Variants in HCN1 observed in about 807,000 individuals in gnomAD.
HCN1 encodes the protein hyperpolarization activated cyclic nucleotide gated potassium channel 1.
Under a neutral mutation model 78.9 loss-of-function variants are expected in HCN1, and 13 were observed. The observed-to-expected ratio is 0.16, with a 90% CI of 0.11 to 0.26. The LOEUF is 0.26. Among genes scored for constraint, HCN1 ranks in the 10% least tolerant of loss-of-function variants. The pLI is 1.00. For synonymous variants in HCN1, 552 were observed against 455.5 expected (o/e 1.21, Z -2.70); for missense variants, 810 against 1,154.3 (o/e 0.70, Z 4.32).
At chr5:45,543,907 G>A (rs1452595352) in intron 2 of HCN1, among the ~76,000 whole-genome samples, 4 of 151,952 alleles carry the variant, frequency 2.6e-5, no homozygotes, top group African/African-American at 9.7e-5. Flanking sequence ...TCACGAATAT[G>A]ATCAATATAT....
chr5:45,613,295 T>G (rs989142235), intron 2 of HCN1, among the ~76,000 whole-genome samples: 3 of 151,982 alleles, frequency 2.0e-5, no homozygotes, highest in Admixed American at 2.0e-4. Context: ...GAGAATGATG[T>G]TTTCCAATTT....
At chr5:45,427,667 A>C (rs1204386083) in intron 3 of HCN1, among the ~76,000 whole-genome samples, 1 of 152,162 alleles carries the variant, frequency 6.6e-6, no homozygotes. Context: ...AAAATGTAAT[A>C]TTCCTAAGAT....
chr5:45,483,767 C>A (rs1025089433), intron 2 of HCN1, among the ~76,000 whole-genome samples: 1 of 152,068 alleles, frequency 6.6e-6, no homozygotes, highest in Non-Finnish European at 1.5e-5. Flanking sequence ...ATATTTAAAT[C>A]TTTAATCCAT....
At chr5:45,498,630 A>G (rs1053851625) in intron 2 of HCN1, among the ~76,000 whole-genome samples, 9 of 152,066 alleles carry the variant, frequency 5.9e-5, no homozygotes, top group Non-Finnish European at 1.2e-4. Flanking sequence ...GCTGGTGAGG[A>G]GCTGCGTTCC....
chr5:45,641,286 T>A (rs1318751694), intron 2 of HCN1, among the ~76,000 whole-genome samples: 1 of 152,230 alleles, frequency 6.6e-6, no homozygotes, highest in Non-Finnish European at 1.5e-5. Flanking sequence ...GAAACTGTAA[T>A]CTGCATTAGC....
At chr5:45,498,902 A>G (rs1742120852) in intron 2 of HCN1, among the ~76,000 whole-genome samples, 1 of 152,130 alleles carries the variant, frequency 6.6e-6, no homozygotes. Context: ...CTTGGGGGTC[A>G]GGGGTCAGGG....
intron 3 of HCN1, among the ~76,000 whole-genome samples, chr5:45,402,168 A>T (rs1369412807): frequency 6.6e-6 from 1 of 152,158 alleles, no homozygotes; most frequent in African/African-American, 2.4e-5. Context: ...CAGAATAGGG[A>T]ACATACCAGG....
chr5:45,637,794 AAGAGTTT>A (rs1745382173), intron 2 of HCN1, among the ~76,000 whole-genome samples: 1 of 152,150 alleles, frequency 6.6e-6, no homozygotes, highest in Non-Finnish European at 1.5e-5. Flanking sequence ...AATATGAGCA[AAGAGTTT>A]CTCAGGTTGA....
In HCN1 at chr5:45,352,474, T is replaced by G. The variant is rs538729007; in HGVS notation, c.1377+626A>C. Among the ~76,000 whole-genome samples, 6 of 152,076 alleles carry G rather than the reference T, an allele frequency of 3.9e-5. No homozygotes were observed. The South Asian group carries it at 8.3e-4, about 21-fold the overall frequency. On this transcript the variant is annotated intron_variant, in intron 5 of 7. Transcript: ENST00000303230. ...CACCAGCATCGCACATGTATACATA[T>G]GTAAGTAACGTGCGCATTGTGCACA...
intron 1 of HCN1, among the ~76,000 whole-genome samples, chr5:45,687,654 T>C (rs764248309): frequency 7.9e-5 from 12 of 152,170 alleles, no homozygotes; most frequent in Admixed American, 2.6e-4. Flanking sequence ...GGACCTTCTT[T>C]GGCTGTTTGA....
At chr5:45,371,115 A>G (rs1747346205) in intron 4 of HCN1, among the ~76,000 whole-genome samples, 1 of 152,080 alleles carries the variant, frequency 6.6e-6, no homozygotes, top group Non-Finnish European at 1.5e-5. Flanking sequence ...AATCTCTGGG[A>G]CTCAGCTAAG....
At chr5:45,669,676 C>T (rs755406408) in intron 1 of HCN1, among the ~76,000 whole-genome samples, 4 of 151,724 alleles carry the variant, frequency 2.6e-5, no homozygotes, top group Non-Finnish European at 4.4e-5. Flanking sequence ...GAAAATTTCT[C>T]TGAGAGAAAT....
At chr5:45,548,015 C>A (rs1362723826) in intron 2 of HCN1, among the ~76,000 whole-genome samples, 1 of 151,606 alleles carries the variant, frequency 6.6e-6, no homozygotes, top group Non-Finnish European at 1.5e-5. Context: ...TTTGGTTGAC[C>A]AGAATAAAAC....
At position 45,436,909 on chromosome 5, in the gene HCN1, G is replaced by A. The variant is rs562966702; in HGVS notation, c.1011+24937C>T. 3.9e-5 allele frequency among the ~76,000 whole-genome samples: 6 copies of A among 152,212 alleles called. No individual in the cohort carries two copies. In the South Asian group the frequency reaches 1.2e-3, roughly 32 times the overall value. On this transcript the variant is annotated intron_variant, in intron 3 of 7. Coordinates refer to ENST00000303230, the MANE Select transcript of HCN1 (RefSeq NM_021072.4). ...AAAAGAGACCAGAGAAAATAAGTCCGATCAACCAGATTAAATAATACAGTA... is the reference window on the plus strand; with the variant it reads ...AAAAGAGACCAGAGAAAATAAGTCCAATCAACCAGATTAAATAATACAGTA...
intron 5 of HCN1, among the ~76,000 whole-genome samples, chr5:45,305,183 A>T (rs1745701431): frequency 1.3e-5 from 2 of 152,116 alleles, no homozygotes; most frequent in South Asian, 4.1e-4. Flanking sequence ...TGCCTTGGGG[A>T]AATGTGCTAT....
chr5:45,261,935 C>T lies in HCN1; in HGVS notation c.2659G>A (p.Ala887Thr), dbSNP rs757124569. Residue 887 changes from alanine (A) to threonine (T), a missense_variant, in exon 8 of 8, where the codon GCT becomes ACT. Physicochemically the swap from Ala to Thr is moderately conservative, Grantham distance 58. Around this residue, in one of 6 missense-constraint regions of HCN1, gnomAD observed 398 missense variants for 381.3 expected, o/e 1.04. Transcript: ENST00000303230. ...ATCAGCAGGGATCATAAATTTGAAGCAAATCGTGGCTTTTCTGCGTCTGGG... is the reference window on the plus strand; with the variant it reads ...ATCAGCAGGGATCATAAATTTGAAGTAAATCGTGGCTTTTCTGCGTCTGGG... ...TDPDAEKPRF[A>T]SNL 219 of 1,613,918 alleles carry T rather than the reference C, an allele frequency of 1.4e-4. No homozygotes were observed. The highest frequency in any genetic ancestry group is 1.8e-4 in the Non-Finnish European group (215 of 1,180,020).
chr5:45,263,279 A>C (rs1744786342), intron 7 of HCN1, among the ~76,000 whole-genome samples: 1 of 152,178 alleles, frequency 6.6e-6, no homozygotes, highest in Non-Finnish European at 1.5e-5. Flanking sequence ...ACCCTGTCAG[A>C]TAGGTGTGTT....
chr5:45,358,820 C>T (rs1417673533), intron 4 of HCN1, among the ~76,000 whole-genome samples: 1 of 152,048 alleles, frequency 6.6e-6, no homozygotes, highest in African/African-American at 2.4e-5. Context: ...TGACGCCCCG[C>T]TTGTCCATGT....
intron 1 of HCN1, among the ~76,000 whole-genome samples, chr5:45,658,119 G>C (rs1409649124): frequency 6.6e-6 from 1 of 152,106 alleles, no homozygotes; most frequent in African/African-American, 2.4e-5. Context: ...ACAAACCTGA[G>C]AAAAACAAGC....
Sources: gnomAD v4.1 joint callset for allele counts (sites outside exome capture counted in the v4.1 genomes callset) on GRCh38, gnomAD v4.1.1 for gene constraint, gnomAD v4.1.1 regional missense constraint, MANE v1.5 for transcripts, NCBI Gene and HGNC (gene_info 2026-07-23, HGNC 2026-07-21) for gene names.